The following MYO5A variants were observed in gnomAD, a reference collection of about 807,000 sequenced individuals.
MYO5A encodes unconventional myosin-Va.
A neutral mutation model predicts 249.7 loss-of-function variants in MYO5A; 98 were observed. The ratio of observed to expected loss-of-function variants is 0.39; its 90% confidence interval spans 0.33 to 0.46. The LOEUF (loss-of-function observed/expected upper bound fraction) is 0.46. Among genes scored for constraint, MYO5A ranks in the 20% least tolerant of loss-of-function variants. The pLI is 0.98. For synonymous variants in MYO5A, 778 were observed against 810.6 expected (o/e 0.96, Z 0.68); for missense variants, 1,696 against 2,308.8 (o/e 0.73, Z 5.44).
chr15:52,370,627 C>G (rs1045595973), intron 21 of MYO5A, among the ~76,000 whole-genome samples: 1 of 152,204 alleles, frequency 6.6e-6, no homozygotes, highest in African/African-American at 2.4e-5. Flanking sequence ...TAATTCAATT[C>G]TGTTTGATGT....
chr15:52,487,537 C>A (rs1045237239), intron 1 of MYO5A, among the ~76,000 whole-genome samples: 11 of 151,726 alleles, frequency 7.2e-5, no homozygotes, highest in Non-Finnish European at 1.5e-4. Flanking sequence ...CAGCTTGGAC[C>A]ACATGGTGAA....
chr15:52,408,282 G>C, intron 6 of MYO5A, 142 bp from the exon 7 acceptor site: 1 of 619,426 alleles, frequency 1.6e-6, no homozygotes, highest in Non-Finnish European at 2.8e-6. Flanking sequence ...ACTTATTTCT[G>C]ATTATTAAAT....
chr15:52,470,795 G>A (rs1440335096), intron 1 of MYO5A, among the ~76,000 whole-genome samples: 1 of 152,090 alleles, frequency 6.6e-6, no homozygotes, highest in Admixed American at 6.6e-5. Context: ...GGCCAAGGAG[G>A]GCGGATCACT....
chr15:52,500,550 G>A (rs978801819), intron 1 of MYO5A, among the ~76,000 whole-genome samples: 2 of 152,004 alleles, frequency 1.3e-5, no homozygotes, highest in African/African-American at 2.4e-5. Context: ...GTTTCACCAT[G>A]TTAGCTAGGC....
At chr15:52,417,087 A>G (rs1299376617) in intron 4 of MYO5A, among the ~76,000 whole-genome samples, 1 of 152,240 alleles carries the variant, frequency 6.6e-6, no homozygotes, top group Non-Finnish European at 1.5e-5. Flanking sequence ...CATAAGAATG[A>G]TATTTCCTAA....
intron 1 of MYO5A, among the ~76,000 whole-genome samples, chr15:52,442,259 T>G (rs1273071488): frequency 6.6e-6 from 1 of 151,688 alleles, no homozygotes; most frequent in Admixed American, 6.6e-5. Flanking sequence ...CGCCACCACC[T>G]CCACCAGCCA....
intron 14 of MYO5A, 62 bp from the exon 15 acceptor site, chr15:52,384,384 A>G: frequency 6.7e-7 from 1 of 1,502,130 alleles, no homozygotes; most frequent in Non-Finnish European, 9.3e-7. Context: ...AAACCTTCAC[A>G]AAAGAAATAT....
At chr15:52,393,142 G>A (rs995975445) in intron 11 of MYO5A, among the ~76,000 whole-genome samples, 20 of 152,134 alleles carry the variant, frequency 1.3e-4, no homozygotes, top group Non-Finnish European at 2.8e-4. Context: ...CTCATTCTTG[G>A]GGAGTTTCTG....
At chr15:52,403,477 A>G (rs1030925871) in intron 9 of MYO5A, among the ~76,000 whole-genome samples, 13 of 152,372 alleles carry the variant, frequency 8.5e-5, no homozygotes, top group Non-Finnish European at 1.8e-4. Context: ...GATTCCATTT[A>G]TATGAAATGT....
chr15:52,459,174 T>TTTTTTTTTTTTA (rs869125569), intron 1 of MYO5A, among the ~76,000 whole-genome samples: 27 of 131,228 alleles, frequency 2.1e-4, no homozygotes, highest in African/African-American at 8.0e-4. Context: ...TTTTTTTTTT[T>TTTTTTTTTTTTA]AGTATTTATT....
At chr15:52,321,035 G>C (rs73408408) in intron 38 of MYO5A, among the ~76,000 whole-genome samples, 2 of 151,274 alleles carry the variant, frequency 1.3e-5, no homozygotes, top group African/African-American at 4.9e-5. Flanking sequence ...AAGGGAGCCT[G>C]CTGATAATTT....
At chr15:52,507,781 G>A (rs1336978724) in intron 1 of MYO5A, among the ~76,000 whole-genome samples, 1 of 129,652 alleles carries the variant, frequency 7.7e-6, no homozygotes, top group Non-Finnish European at 1.6e-5. Context: ...TCTAGCCTGA[G>A]CAACAGAATG....
rs572788600 is a variant in MYO5A at position 52,397,257 on chromosome 15, C to T, written c.1263G>A (p.Gln421=). The part of the protein sequence containing the change: ...LFNWIVDNVN[Q]ALHSAVKQHS... ...GCTGTTTGACAGCAGAATGGAGAGC[C>T]TGATTGACATTATCTACAATCCAGT... is the stretch of plus-strand genomic sequence containing the variant. The change falls in exon 10 of 42, where the codon CAG becomes CAA. Residue 421 remains glutamine, a synonymous_variant. Transcript: ENST00000399233. 6.2e-7 allele frequency: 1 copy of T among 1,614,100 alleles called. No homozygotes were observed. Among genetic ancestry groups the T allele is most frequent in the Non-Finnish European group, 8.5e-7 (1 of 1,179,990 alleles).
chr15:52,319,555 A>G (rs1596275599), intron 38 of MYO5A, among the ~76,000 whole-genome samples: 1 of 151,872 alleles, frequency 6.6e-6, no homozygotes, highest in Non-Finnish European at 1.5e-5. Flanking sequence ...ACATAAGGAA[A>G]CCCCGTCTCT....
intron 1 of MYO5A, among the ~76,000 whole-genome samples, chr15:52,462,954 AGTGGTAT>A (rs955998505): frequency 2.0e-5 from 3 of 152,244 alleles, no homozygotes; most frequent in African/African-American, 7.2e-5. Context: ...TAAGATGTTA[AGTGGTAT>A]GATTGAACTG....
chr15:52,425,045 A>G (rs1049666451), intron 4 of MYO5A, among the ~76,000 whole-genome samples: 1 of 152,230 alleles, frequency 6.6e-6, no homozygotes, highest in African/African-American at 2.4e-5. Flanking sequence ...ACTTGAGCCC[A>G]GGAGTTCAAG....
At chr15:52,364,789 T>C in intron 23 of MYO5A, 87 bp from the exon 24 acceptor site, 2 of 1,500,664 alleles carry the variant, frequency 1.3e-6, no homozygotes, top group Non-Finnish European at 1.8e-6. Flanking sequence ...CCAGTTTCTC[T>C]GTAGGCAATT....
intron 22 of MYO5A, among the ~76,000 whole-genome samples, chr15:52,368,200 A>G (rs1184578113): frequency 6.6e-6 from 1 of 152,178 alleles, no homozygotes; most frequent in African/African-American, 2.4e-5. Flanking sequence ...AAAGTTGGAT[A>G]ACTACACTGT....
At chr15:52,366,875 G>A (rs978939715) in intron 23 of MYO5A, among the ~76,000 whole-genome samples, 156 bp downstream of exon 23, 1 of 152,158 alleles carries the variant, frequency 6.6e-6, no homozygotes, top group African/African-American at 2.4e-5. Context: ...TATCTGATCT[G>A]TTGCCTCTTG....
Sources: allele counts gnomAD v4.1 joint callset (sites outside exome capture counted in the v4.1 genomes callset), GRCh38; gene constraint gnomAD v4.1.1; transcripts MANE v1.5; gene names NCBI Gene and HGNC (gene_info 2026-07-23, HGNC 2026-07-21).